The following M1AP variants were observed in gnomAD, a reference collection of about 807,000 sequenced individuals.
The protein encoded by M1AP is meiosis 1 associated protein.
Under a neutral mutation model 51.2 loss-of-function variants are expected in M1AP, and 39 were observed. The ratio of observed to expected loss-of-function variants is 0.76; its 90% confidence interval spans 0.59 to 1.00. The LOEUF is 1.00. Among genes scored for constraint, M1AP ranks in the 50% least tolerant of loss-of-function variants. M1AP has a pLI of 0.00. For missense variants in M1AP, 545 were observed against 641.2 expected (o/e 0.85, Z 1.62); for synonymous variants, 251 against 249.2 (o/e 1.01, Z -0.07).
chr2:74,585,209 A>C (rs1286131022), intron 4 of M1AP, among the ~76,000 whole-genome samples: 1 of 152,146 alleles, frequency 6.6e-6, no homozygotes, highest in Non-Finnish European at 1.5e-5. Context: ...GAAATGCAGC[A>C]CAGAGAAGGG....
intron 2 of M1AP, among the ~76,000 whole-genome samples, chr2:74,632,913 C>G (rs925923069): frequency 2.0e-5 from 3 of 152,022 alleles, no homozygotes; most frequent in African/African-American, 7.2e-5. Context: ...TATAACATAG[C>G]CACTTGAGGA....
chr2:74,588,552 G>A (rs150252795), intron 4 of M1AP, among the ~76,000 whole-genome samples: 58 of 152,278 alleles, frequency 3.8e-4, no homozygotes, highest in African/African-American at 1.2e-3. Context: ...AGCTTACAAC[G>A]GTGAGGCAGT....
chr2:74,600,905 G>A lies in M1AP; in HGVS notation c.595+6150C>T, dbSNP rs116573742. On this transcript the variant is annotated intron_variant, in intron 4 of 10. Coordinates refer to ENST00000421985, the MANE Select transcript of M1AP (RefSeq NM_001321739.2). ...ATAGTCTTATATTCTTAATAAATAC[G>A]AATTATTAGAGCTTGAAATTTTCTC... is the stretch of plus-strand genomic sequence containing the variant. Among the ~76,000 whole-genome samples the A allele has an allele frequency of 1.6e-3, 237 of 152,080 alleles. 1 individual carries two copies. Among genetic ancestry groups the A allele is most frequent in the African/African-American group, 5.5e-3 (227 of 41,504 alleles).
At chr2:74,620,678 T>G (rs2104761565) in intron 2 of M1AP, 1 of 216,176 alleles carries the variant, frequency 4.6e-6, no homozygotes, top group East Asian at 1.1e-4. Context: ...TGGGTTCTCC[T>G]GCCTGGTACA....
intron 3 of M1AP, among the ~76,000 whole-genome samples, 161 bp from the exon 4 acceptor site, chr2:74,607,384 T>C (rs531103359): frequency 5.2e-4 from 79 of 152,354 alleles, no homozygotes; most frequent in African/African-American, 1.7e-3. Context: ...TCAAATTTTA[T>C]CTGACAGATT....
At chr2:74,633,622 A>G (rs1682820977) in intron 2 of M1AP, among the ~76,000 whole-genome samples, 1 of 152,008 alleles carries the variant, frequency 6.6e-6, no homozygotes, top group South Asian at 2.1e-4. Flanking sequence ...GCAACATCCC[A>G]TTGTCATGGT....
intron 1 of M1AP, among the ~76,000 whole-genome samples, chr2:74,646,100 G>A (rs930917971): frequency 6.6e-6 from 1 of 152,168 alleles, no homozygotes. Flanking sequence ...AGTGCATCAT[G>A]ATCAGTAATT....
intron 3 of M1AP, among the ~76,000 whole-genome samples, chr2:74,611,956 C>T (rs1212119494): frequency 2.7e-5 from 3 of 109,924 alleles, no homozygotes; most frequent in Admixed American, 1.3e-4. Context: ...TGCAGTGGCG[C>T]GATCTCGGCT....
At chr2:74,582,143 C>T (rs1358918221) in intron 4 of M1AP, among the ~76,000 whole-genome samples, 1 of 152,162 alleles carries the variant, frequency 6.6e-6, no homozygotes. Context: ...CTATGTTGCT[C>T]AGGCTGGTCT....
At chr2:74,647,217 T>C in intron 1 of M1AP, 1 of 985,328 alleles carries the variant, frequency 1.0e-6, no homozygotes, top group Non-Finnish European at 1.2e-6. Flanking sequence ...TTGTGCCTTC[T>C]GCCCAACTCT....
At chr2:74,571,368 T>C (rs1678727837) in intron 7 of M1AP, among the ~76,000 whole-genome samples, 1 of 151,986 alleles carries the variant, frequency 6.6e-6, no homozygotes, top group African/African-American at 2.4e-5. Flanking sequence ...GAAGTTAGAA[T>C]GAGAAGTTGG....
intron 2 of M1AP, among the ~76,000 whole-genome samples, chr2:74,630,112 T>G (rs1326666429): frequency 6.6e-6 from 1 of 152,036 alleles, no homozygotes; most frequent in Non-Finnish European, 1.5e-5. Flanking sequence ...TTTAAAAAAC[T>G]TTTTTGTAGA....
At chr2:74,620,421 A>G (rs1681936003) in intron 2 of M1AP, among the ~76,000 whole-genome samples, 1 of 152,206 alleles carries the variant, frequency 6.6e-6, no homozygotes, top group African/African-American at 2.4e-5. Context: ...GCATTAAATG[A>G]CCCCATGCCC....
At chr2:74,642,680 G>T (rs1015625527) in intron 1 of M1AP, among the ~76,000 whole-genome samples, 3 of 152,244 alleles carry the variant, frequency 2.0e-5, no homozygotes, top group East Asian at 3.9e-4. Flanking sequence ...CAATGATTGT[G>T]TATATAGAAA....
Position 74,576,716 on chromosome 2 carries a change from T to C in M1AP, c.770-98A>G, listed in dbSNP as rs895161675. On this transcript the variant is annotated intron_variant, in intron 5 of 10. Transcript: ENST00000421985. The stretch of plus-strand genomic sequence containing the variant: ...GGCTATGCCATTAAGAGACAACATC[T>C]GCTACCCATTCCATCTCTACCAGGC... The C allele has an allele frequency of 3.6e-6, 5 of 1,375,340 alleles. No individual in the cohort carries two copies. The African/African-American group carries it at 4.3e-5, about 12-fold the overall frequency. 85.2% of individuals were successfully genotyped at this position (1,375,340 alleles called of 1,614,324 possible).
chr2:74,588,901 T>C (rs1197292714), intron 4 of M1AP, among the ~76,000 whole-genome samples: 2 of 152,266 alleles, frequency 1.3e-5, no homozygotes, highest in Non-Finnish European at 2.9e-5. Flanking sequence ...TTTACTGTCT[T>C]TTATGAGCTA....
At chr2:74,578,364 C>T (rs942628663) in intron 5 of M1AP, among the ~76,000 whole-genome samples, 6 of 152,190 alleles carry the variant, frequency 3.9e-5, no homozygotes, top group East Asian at 1.9e-4. Context: ...CCCATTAACT[C>T]GTCATTTACA....
chr2:74,600,185 G>A (rs539520717), intron 4 of M1AP, among the ~76,000 whole-genome samples: 2 of 151,974 alleles, frequency 1.3e-5, no homozygotes, highest in Non-Finnish European at 2.9e-5. Flanking sequence ...AAAAACCCTG[G>A]GAAAGTTATT....
At chr2:74,583,149 A>G (rs1204561234) in intron 4 of M1AP, among the ~76,000 whole-genome samples, 1 of 152,212 alleles carries the variant, frequency 6.6e-6, no homozygotes, top group Non-Finnish European at 1.5e-5. Context: ...AGCAATGCAA[A>G]TTAAATACTT....
Sources: allele counts gnomAD v4.1 joint callset (sites outside exome capture counted in the v4.1 genomes callset), GRCh38; gene constraint gnomAD v4.1.1; transcripts MANE v1.5; gene names NCBI Gene and HGNC (gene_info 2026-07-23, HGNC 2026-07-21).